CRIPT: variants seen among roughly 807,000 people sequenced by gnomAD.
CRIPT encodes the protein cysteine-rich PDZ-binding protein.
In CRIPT, 20 loss-of-function variants were observed where a neutral mutation model predicts 16.6. The observed-to-expected ratio is 1.20, with a 90% CI of 0.85 to 1.75. CRIPT has a LOEUF of 1.75. Among genes scored for constraint, CRIPT ranks in the 40% most tolerant of loss-of-function variants. The pLI, the probability that CRIPT is intolerant of heterozygous loss-of-function variation, is 0.00. For synonymous variants in CRIPT, 42 were observed against 37.0 expected (o/e 1.14, Z -0.49); for missense variants, 133 against 115.3 (o/e 1.15, Z -0.70).
At position 46,623,834 on chromosome 2, in the gene CRIPT, T is replaced by G; in HGVS notation, c.208T>G (p.Ser70Ala). The change falls in exon 4 of 5, where the codon TCT becomes GCT. Residue 70 changes from serine to alanine, a missense_variant. Ser to Ala is a moderately conservative substitution (Grantham distance 99). Transcript: ENST00000238892. ...TAAAAGTTCTGTGCACCAACCAGGT[T>G]CTCATTACTGCCAGGGCTGTGCCTA... Reference protein sequence around the residue: ...ICKSSVHQPGSHYCQGCAYKK... With the variant: ...ICKSSVHQPGAHYCQGCAYKK... 2 of 1,610,900 alleles carry G rather than the reference T, an allele frequency of 1.2e-6. No individual in the cohort carries two copies. Among genetic ancestry groups the G allele is most frequent in the Non-Finnish European group, 1.7e-6 (2 of 1,178,148 alleles).
Position 46,624,321 on chromosome 2 carries a change from A to G in CRIPT, c.*94A>G. 1.3e-6 allele frequency: 1 copy of G among 752,332 alleles called. No homozygotes were observed. The highest frequency in any genetic ancestry group is 2.0e-6 in the Non-Finnish European group (1 of 498,138). The allele number at this position is 752,332 out of a possible 1,614,324, so 46.6% of individuals were successfully genotyped here. On this transcript the variant is annotated 3_prime_UTR_variant, in exon 5 of 5. Transcript: ENST00000238892. ...GTCAACTTACAGAATAACATGTTTTAAGATAATTAAGTTTAAACCAGAGAA... is the reference window on the plus strand; with the variant it reads ...GTCAACTTACAGAATAACATGTTTTGAGATAATTAAGTTTAAACCAGAGAA...
intron 1 of CRIPT, among the ~76,000 whole-genome samples, chr2:46,618,547 G>A (rs1324351850): frequency 6.6e-6 from 1 of 152,180 alleles, no homozygotes; most frequent in Non-Finnish European, 1.5e-5. Context: ...AACCAACAGT[G>A]AAAGCTTATT....
chr2:46,620,882 C>T (rs1670785941), intron 3 of CRIPT, among the ~76,000 whole-genome samples: 1 of 151,888 alleles, frequency 6.6e-6, no homozygotes, highest in Non-Finnish European at 1.5e-5. Flanking sequence ...AGTAGCACCA[C>T]TCTCTAATCC....
intron 1 of CRIPT, 120 bp downstream of exon 1, chr2:46,617,418 G>A: frequency 8.7e-7 from 1 of 1,149,592 alleles, no homozygotes; most frequent in Non-Finnish European, 1.2e-6. Context: ...TCTATCCGCT[G>A]TCTTTCTACC....
rs765065910 is a variant in CRIPT at position 46,629,772 on chromosome 2, G to A, written c.*5545G>A. Among the ~76,000 whole-genome samples, 7 of 152,076 alleles carry A rather than the reference G, an allele frequency of 4.6e-5. No individual in the cohort carries two copies. The highest frequency in any genetic ancestry group is 9.7e-5 in the African/African-American group (4 of 41,400). ...AGATGTCCAGTTTCTCCAGTGTATCGTTATTGTTTTTCCTTTTGCAATTAG... is the reference window on the plus strand; with the variant it reads ...AGATGTCCAGTTTCTCCAGTGTATCATTATTGTTTTTCCTTTTGCAATTAG... On this transcript the variant is annotated 3_prime_UTR_variant, in exon 5 of 5. Transcript: ENST00000238892.
In CRIPT at chr2:46,629,314, T is replaced by G. The variant is rs1416578795; in HGVS notation, c.*5087T>G. Among the ~76,000 whole-genome samples the G allele has an allele frequency of 2.0e-5, 3 of 152,204 alleles. No homozygotes were observed. Among genetic ancestry groups the G allele is most frequent in the Non-Finnish European group, 4.4e-5 (3 of 68,042 alleles). On this transcript the variant is annotated 3_prime_UTR_variant, in exon 5 of 5. Coordinates refer to ENST00000238892, the MANE Select transcript of CRIPT (RefSeq NM_014171.6). ...TGTAGACATCATACTCTTTACCCTT[T>G]AACACTACACATGCACTTCATAAGA...
rs200594663 is a variant in CRIPT at position 46,623,578 on chromosome 2, T to TG, written c.138-184dup. Among the ~76,000 whole-genome samples, 920 of 152,228 alleles carry TG rather than the reference T, an allele frequency of 6.0e-3. 18 individuals carry two copies. The highest frequency in any genetic ancestry group is 0.046 in the South Asian group (223 of 4,820). ...TTTATAAGTATATATCTCACATGGA[T>TG]GGAGCAGAGCAGAGATGTACAGGCA... is the stretch of plus-strand genomic sequence containing the variant. On this transcript the variant is annotated intron_variant, in intron 3 of 4. Coordinates refer to ENST00000238892, the MANE Select transcript of CRIPT (RefSeq NM_014171.6).
chr2:46,617,220 G>T lies in CRIPT; in HGVS notation c.-63G>T, dbSNP rs1177324025. ...AAGGGGAATACTTCCAAGTTGTAGT[G>T]TTGTTGTTTTCAGCCTGCTGCTGCT... On this transcript the variant is annotated 5_prime_UTR_variant, in exon 1 of 5. Transcript: ENST00000238892. 9 of 1,550,136 alleles carry T rather than the reference G, an allele frequency of 5.8e-6. No homozygotes were observed. The Middle Eastern group carries it at 8.4e-4, about 145-fold the overall frequency.
intron 1 of CRIPT, among the ~76,000 whole-genome samples, chr2:46,618,118 T>G (rs140842386): frequency 9.7e-4 from 147 of 151,746 alleles, no homozygotes; most frequent in African/African-American, 3.4e-3. Context: ...AACTTTCTTT[T>G]CTTGGATTTC....
chr2:46,618,335 C>G (rs1558716652), intron 1 of CRIPT, among the ~76,000 whole-genome samples: 1 of 152,026 alleles, frequency 6.6e-6, no homozygotes, highest in South Asian at 2.1e-4. Context: ...TACAACTCCA[C>G]CTTGTTCGCA....
chr2:46,621,030 C>G (rs957504758), intron 3 of CRIPT, among the ~76,000 whole-genome samples: 1 of 152,138 alleles, frequency 6.6e-6, no homozygotes, highest in African/African-American at 2.4e-5. Flanking sequence ...GTACATCTCA[C>G]TGCTATTACC....
chr2:46,620,247 G>C, intron 3 of CRIPT, among the ~76,000 whole-genome samples: 1 of 152,150 alleles, frequency 6.6e-6, no homozygotes, highest in East Asian at 1.9e-4. Flanking sequence ...CCAGGAGTTT[G>C]AGAGCAGCCT....
rs571294667 is a variant in CRIPT at position 46,619,583 on chromosome 2, A to G, written c.83-44A>G. 8.5e-5 allele frequency: 113 copies of G among 1,329,346 alleles called. 2 individuals are homozygous for G. In the South Asian group the frequency reaches 1.4e-3, roughly 16 times the overall value. The allele number at this position is 1,329,346 out of a possible 1,614,324, so 82.3% of individuals were successfully genotyped here. ...TGAACTTCTTAATATTATATGTTAA[A>G]TGTATAGAAATAACCCACTAAAATA... is the stretch of plus-strand genomic sequence containing the variant. On this transcript the variant is annotated intron_variant, in intron 2 of 4. Transcript: ENST00000238892.
intron 3 of CRIPT, among the ~76,000 whole-genome samples, chr2:46,622,015 A>G (rs546828257): frequency 1.8e-4 from 27 of 152,326 alleles, no homozygotes; most frequent in African/African-American, 6.5e-4. Context: ...CTTGGAATCT[A>G]TGGTACTGTT....
chr2:46,618,471 A>G (rs1670722842), intron 1 of CRIPT, among the ~76,000 whole-genome samples: 1 of 152,240 alleles, frequency 6.6e-6, no homozygotes, highest in Non-Finnish European at 1.5e-5. Flanking sequence ...TGTATAGTTT[A>G]TACATGATAG....
In CRIPT at chr2:46,620,923, C is replaced by T. The variant is rs551998753; in HGVS notation, c.137+1242C>T. On this transcript the variant is annotated intron_variant, in intron 3 of 4. Transcript: ENST00000238892. ...TTCAAGCCTAAAAGCTAGAATTCCT[C>T]ACTGAGTCCTCCCTTTCCCCTACTT... is the stretch of plus-strand genomic sequence containing the variant. 6.8e-4 allele frequency among the ~76,000 whole-genome samples: 103 copies of T among 152,074 alleles called. 1 individual carries two copies. The highest frequency in any genetic ancestry group is 2.3e-3 in the African/African-American group (97 of 41,484).
rs1284759929 is a variant in CRIPT, at chr2:46,629,385, T to G, written c.*5158T>G. On this transcript the variant is annotated 3_prime_UTR_variant, in exon 5 of 5. Coordinates refer to ENST00000238892, the MANE Select transcript of CRIPT (RefSeq NM_014171.6). Reference sequence around the variant, plus strand: ...AAGTACAGCTATCAAGTTCAGAAATTTAACATTGCCATAATACTTTACAGT... The same window carrying G: ...AAGTACAGCTATCAAGTTCAGAAATGTAACATTGCCATAATACTTTACAGT... Among the ~76,000 whole-genome samples the G allele has an allele frequency of 3.3e-5, 5 of 152,322 alleles. No individual in the cohort carries two copies. The highest frequency in any genetic ancestry group is 2.1e-4 in the South Asian group (1 of 4,824).
chr2:46,617,581 A>T (rs1381299428), intron 1 of CRIPT, among the ~76,000 whole-genome samples: 2 of 152,190 alleles, frequency 1.3e-5, no homozygotes, highest in South Asian at 4.1e-4. Flanking sequence ...AAAAATGTGC[A>T]GTTAAACCCC....
intron 3 of CRIPT, among the ~76,000 whole-genome samples, 163 bp downstream of exon 3, chr2:46,619,844 C>T (rs1002642013): frequency 6.6e-6 from 1 of 152,180 alleles, no homozygotes; most frequent in Admixed American, 6.5e-5. Context: ...CTGGTTTTAC[C>T]TTATTCCTCC....
Sources: allele counts gnomAD v4.1 joint callset (sites outside exome capture counted in the v4.1 genomes callset), GRCh38; gene constraint gnomAD v4.1.1; transcripts MANE v1.5; gene names NCBI Gene and HGNC (gene_info 2026-07-23, HGNC 2026-07-21).